The following ADCY9 variants were observed in gnomAD, a reference collection of about 807,000 sequenced individuals.
The protein encoded by ADCY9 is adenylate cyclase 9, also known as adenylate cyclase type 9.
In ADCY9, 50 loss-of-function variants were observed where a neutral mutation model predicts 101.5. That is an observed-to-expected ratio of 0.49 (90% CI 0.39 to 0.62). The LOEUF is 0.62. Among genes scored for constraint, ADCY9 ranks in the 20% least tolerant of loss-of-function variants. The probability of loss-of-function intolerance (pLI) is 0.00; values close to 1 mark genes in which losing one functional copy is unlikely to be tolerated. For synonymous variants in ADCY9, 905 were observed against 769.3 expected (o/e 1.18, Z -2.92); for missense variants, 1,662 against 1,800.4 (o/e 0.92, Z 1.39).
At chr16:4,097,554 T>TATATATATATACA (rs1491239469) in intron 2 of ADCY9, among the ~76,000 whole-genome samples, 4 of 24,158 alleles carry the variant, frequency 1.7e-4, no homozygotes, top group African/African-American at 1.0e-3. Context: ...TATATATATA[T>TATATATATATACA]TTTTTTTTTT....
intron 9 of ADCY9, among the ~76,000 whole-genome samples, chr16:3,975,075 C>A (rs894135949): frequency 1.3e-5 from 2 of 152,166 alleles, no homozygotes; most frequent in African/African-American, 4.8e-5. Flanking sequence ...GGCACAAAGG[C>A]GGCAGAGGGG....
intron 2 of ADCY9, among the ~76,000 whole-genome samples, chr16:4,078,340 T>C (rs867216571): frequency 3.2e-4 from 49 of 152,082 alleles, no homozygotes; most frequent in African/African-American, 1.1e-3. Context: ...GGTGGGAGGA[T>C]TGCTTGAACT....
At chr16:3,999,714 T>G (rs1355468993) in intron 3 of ADCY9, among the ~76,000 whole-genome samples, 1 of 152,212 alleles carries the variant, frequency 6.6e-6, no homozygotes, top group African/African-American at 2.4e-5. Context: ...AAGAGCAAAC[T>G]CTGCATTTTT....
intron 2 of ADCY9, among the ~76,000 whole-genome samples, chr16:4,030,964 ATTTAT>A (rs1023038417): frequency 4.6e-5 from 7 of 152,152 alleles, no homozygotes; most frequent in Non-Finnish European, 8.8e-5. Flanking sequence ...TCAATGCAAA[ATTTAT>A]TTTAAGAAAC....
At chr16:3,989,457 C>T (rs917367033) in intron 5 of ADCY9, among the ~76,000 whole-genome samples, 1 of 152,112 alleles carries the variant, frequency 6.6e-6, no homozygotes, top group African/African-American at 2.4e-5. Flanking sequence ...TGGCTCACTG[C>T]AATCTCCGCC....
intron 2 of ADCY9, among the ~76,000 whole-genome samples, chr16:4,066,285 CTTAT>C: frequency 6.6e-6 from 1 of 152,328 alleles, no homozygotes; most frequent in Middle Eastern, 3.4e-3. Context: ...CTAAAAAACA[CTTAT>C]TTTTCTCATT....
chr16:3,974,565 T>C, intron 10 of ADCY9, 104 bp downstream of exon 10: 1 of 906,312 alleles, frequency 1.1e-6, no homozygotes, highest in East Asian at 2.5e-5. Context: ...GCACGTATTG[T>C]TCCTTTTATT....
At chr16:3,976,438 A>G (rs1243559269) in intron 9 of ADCY9, among the ~76,000 whole-genome samples, 1 of 152,206 alleles carries the variant, frequency 6.6e-6, no homozygotes, top group Non-Finnish European at 1.5e-5. Flanking sequence ...TTGTAGTACA[A>G]TGATGAGAAC....
chr16:3,960,963 C>G (rs530213974), downstream of ADCY9, among the ~76,000 whole-genome samples: 1 of 152,044 alleles, frequency 6.6e-6, no homozygotes. Flanking sequence ...TTTCCCAGTA[C>G]GCGGGATCTA....
chr16:4,111,285 T>G (rs942080135), intron 2 of ADCY9, among the ~76,000 whole-genome samples: 1 of 152,048 alleles, frequency 6.6e-6, no homozygotes, highest in African/African-American at 2.4e-5. Flanking sequence ...TTTTTTTGTT[T>G]TTGTTGTTGT....
chr16:4,076,139 C>A (rs989321455), intron 2 of ADCY9, among the ~76,000 whole-genome samples: 5 of 152,130 alleles, frequency 3.3e-5, no homozygotes, highest in Non-Finnish European at 7.4e-5. Flanking sequence ...GGCTGCAGTG[C>A]GCTACCATCA....
chr16:3,993,050 G>A (rs534132448), intron 4 of ADCY9, among the ~76,000 whole-genome samples: 16 of 152,048 alleles, frequency 1.1e-4, no homozygotes, highest in South Asian at 4.2e-4. Context: ...AGCCTTTCTC[G>A]CCGTGAAGAC....
At chr16:3,985,565 G>C (rs2043658871) in intron 6 of ADCY9, among the ~76,000 whole-genome samples, 1 of 152,186 alleles carries the variant, frequency 6.6e-6, no homozygotes, top group African/African-American at 2.4e-5. Flanking sequence ...GTGCATGCAT[G>C]TGATGTCCCT....
intron 2 of ADCY9, among the ~76,000 whole-genome samples, chr16:4,025,250 G>A (rs1013167574): frequency 3.9e-5 from 6 of 151,974 alleles, no homozygotes; most frequent in African/African-American, 7.3e-5. Context: ...GTGTATGACT[G>A]TAATCCCAGC....
intron 2 of ADCY9, among the ~76,000 whole-genome samples, chr16:4,076,974 G>A (rs2056871310): frequency 6.6e-6 from 1 of 151,920 alleles, no homozygotes; most frequent in African/African-American, 2.4e-5. Context: ...CTACTCAGGG[G>A]GCTGAAGAAG....
intron 10 of ADCY9, among the ~76,000 whole-genome samples, chr16:3,969,717 C>G (rs571667430): frequency 6.1e-5 from 9 of 146,490 alleles, no homozygotes; most frequent in Non-Finnish European, 1.1e-4. Context: ...CAGGCTAAAG[C>G]GATCCTCCCG....
At chr16:4,107,615 G>A (rs867634703) in intron 2 of ADCY9, among the ~76,000 whole-genome samples, 1 of 146,026 alleles carries the variant, frequency 6.8e-6, no homozygotes, top group South Asian at 2.2e-4. Context: ...TTCCAAGCAA[G>A]GAGACTGAGC....
At position 4,116,387 on chromosome 16, in the gene ADCY9, T is replaced by C. The variant is rs1236978704; in HGVS notation, c.-741A>G. On this transcript the variant is annotated 5_prime_UTR_variant, in exon 1 of 11. It removes an upstream start codon present in the reference 5' UTR. Transcript: ENST00000294016. ...CGTGTCCCCCGCGGCCGCTGCCTCA[T>C]GTCGGAAGAGCTGCCGCCGCCACCA... 4.1e-5 allele frequency among the ~76,000 whole-genome samples: 6 copies of C among 145,270 alleles called. No homozygotes were observed. The highest frequency in any genetic ancestry group is 6.1e-5 in the Non-Finnish European group (4 of 65,442).
chr16:3,972,453 G>C (rs899331383), intron 10 of ADCY9, among the ~76,000 whole-genome samples: 1 of 151,934 alleles, frequency 6.6e-6, no homozygotes, highest in Admixed American at 6.6e-5. Flanking sequence ...GGCTGGTCTC[G>C]AACTCCTGAC....
Sources: allele counts gnomAD v4.1 joint callset (sites outside exome capture counted in the v4.1 genomes callset), GRCh38; gene constraint gnomAD v4.1.1; transcripts MANE v1.5; gene names NCBI Gene and HGNC (gene_info 2026-07-23, HGNC 2026-07-21).